PTPRG: variants seen among roughly 807,000 people sequenced by gnomAD.
PTPRG encodes protein tyrosine phosphatase receptor type G.
A neutral mutation model predicts 165.3 loss-of-function variants in PTPRG; 102 were observed. The ratio of observed to expected loss-of-function variants is 0.62; its 90% CI spans 0.53 to 0.73. The LOEUF (loss-of-function observed/expected upper bound fraction) is 0.73. Among genes scored for constraint, PTPRG ranks in the 30% least tolerant of loss-of-function variants. The pLI is 0.00. For synonymous variants in PTPRG, 675 were observed against 669.5 expected, an observed-to-expected ratio of 1.01 and a Z score of -0.13; for missense variants, 1,866 against 1,861.4, an observed-to-expected ratio of 1.00 and a Z score of -0.05.
intron 8 of PTPRG, among the ~76,000 whole-genome samples, chr3:62,188,209 A>C (rs1045225014): frequency 1.3e-5 from 2 of 151,614 alleles, no homozygotes; most frequent in East Asian, 3.9e-4. Context: ...CCCCGTCTCT[A>C]TTTTAAAAAT....
intron 1 of PTPRG, among the ~76,000 whole-genome samples, chr3:61,672,656 C>T (rs934349891): frequency 3.3e-5 from 5 of 149,792 alleles, no homozygotes; most frequent in Middle Eastern, 3.5e-3. Flanking sequence ...TGCAGTGAGC[C>T]GAGATGGCAG....
chr3:62,204,054 A>G, intron 12 of PTPRG, 104 bp downstream of exon 12: 1 of 1,450,934 alleles, frequency 6.9e-7, no homozygotes, highest in Admixed American at 2.7e-5. Flanking sequence ...GGTACTTAAT[A>G]TTCTTAGAAT....
At chr3:62,256,717 A>T (rs990469882) in intron 16 of PTPRG, among the ~76,000 whole-genome samples, 3 of 152,200 alleles carry the variant, frequency 2.0e-5, no homozygotes, top group Non-Finnish European at 4.4e-5. Context: ...GCCGAATTTG[A>T]TCAGGATGAT....
At chr3:61,832,027 G>T (rs1461041889) in intron 2 of PTPRG, among the ~76,000 whole-genome samples, 2 of 151,914 alleles carry the variant, frequency 1.3e-5, no homozygotes, top group African/African-American at 4.8e-5. Context: ...ATTTATACAT[G>T]GATTTATACA....
chr3:61,676,253 C>T (rs999206765), intron 1 of PTPRG, among the ~76,000 whole-genome samples: 3 of 151,180 alleles, frequency 2.0e-5, no homozygotes, highest in South Asian at 4.2e-4. Context: ...GTCAGGAGAT[C>T]GAGACCATCC....
chr3:61,834,872 G>C (rs2036414896), intron 2 of PTPRG, among the ~76,000 whole-genome samples: 1 of 152,028 alleles, frequency 6.6e-6, no homozygotes, highest in Non-Finnish European at 1.5e-5. Flanking sequence ...TCTCATCCTG[G>C]AAGTTTCCTA....
chr3:61,711,240 A>G (rs1056103762), intron 1 of PTPRG, among the ~76,000 whole-genome samples: 6 of 152,166 alleles, frequency 3.9e-5, no homozygotes, highest in African/African-American at 9.7e-5. Context: ...ATATGTGTGC[A>G]TGTGTCTTTA....
intron 4 of PTPRG, among the ~76,000 whole-genome samples, chr3:62,065,097 T>G (rs1348060425): frequency 6.6e-6 from 1 of 152,090 alleles, no homozygotes; most frequent in African/African-American, 2.4e-5. Context: ...GAAGGATCCA[T>G]AAATCCAGTG....
intron 1 of PTPRG, among the ~76,000 whole-genome samples, chr3:61,642,853 C>T (rs1194189156): frequency 1.3e-5 from 2 of 152,132 alleles, no homozygotes; most frequent in African/African-American, 4.8e-5. Flanking sequence ...ATTGATGGAT[C>T]TGGGCATGAG....
At chr3:62,170,302 T>A (rs943278150) in intron 8 of PTPRG, among the ~76,000 whole-genome samples, 1 of 152,144 alleles carries the variant, frequency 6.6e-6, no homozygotes, top group African/African-American at 2.4e-5. Flanking sequence ...CCAAGAGAAG[T>A]TGACTGAGAA....
intron 2 of PTPRG, among the ~76,000 whole-genome samples, chr3:61,952,599 C>T (rs1188405742): frequency 1.3e-5 from 2 of 152,160 alleles, no homozygotes; most frequent in South Asian, 4.1e-4. Flanking sequence ...CTACTTCCTC[C>T]TTGACGCCGG....
chr3:61,880,687 A>C (rs1310586844), intron 2 of PTPRG, among the ~76,000 whole-genome samples: 1 of 151,800 alleles, frequency 6.6e-6, no homozygotes. Flanking sequence ...AAGCCATTTA[A>C]TGCGAAGAAG....
rs553526078 is a variant in PTPRG, at chr3:62,276,191, A to G, written c.3559+225A>G. Among the ~76,000 whole-genome samples, 14 of 152,290 alleles carry G rather than the reference A, an allele frequency of 9.2e-5. No individual in the cohort carries two copies. The East Asian group carries it at 2.1e-3, about 23-fold the overall frequency. On this transcript the variant is annotated intron_variant, in intron 24 of 29. Coordinates refer to ENST00000474889, the MANE Select transcript of PTPRG (RefSeq NM_002841.4). ...AAAGGGAAAATGTTATGCTTATTCA[A>G]CTAAGGTAGTTTAATGAAACTGGGA...
intron 4 of PTPRG, among the ~76,000 whole-genome samples, chr3:62,037,632 A>G (rs913954062): frequency 6.6e-6 from 1 of 152,192 alleles, no homozygotes; most frequent in South Asian, 2.1e-4. Flanking sequence ...AAATCCATCT[A>G]GGAACTGTTT....
At chr3:62,155,992 G>A (rs1009179912) in intron 6 of PTPRG, among the ~76,000 whole-genome samples, 1 of 152,180 alleles carries the variant, frequency 6.6e-6, no homozygotes, top group Admixed American at 6.5e-5. Flanking sequence ...AATCCCAGAT[G>A]TAAATTCAAG....
intron 10 of PTPRG, among the ~76,000 whole-genome samples, chr3:62,198,139 C>T (rs1247666299): frequency 6.6e-6 from 1 of 152,064 alleles, no homozygotes; most frequent in Non-Finnish European, 1.5e-5. Flanking sequence ...ATATGTTTAC[C>T]TTACTGTGGA....
intron 1 of PTPRG, among the ~76,000 whole-genome samples, chr3:61,568,081 A>G (rs1220623390): frequency 2.0e-5 from 3 of 152,220 alleles, no homozygotes; most frequent in African/African-American, 7.2e-5. Flanking sequence ...TAAAAAATCA[A>G]CTATACTTGT....
intron 7 of PTPRG, among the ~76,000 whole-genome samples, chr3:62,157,856 A>G (rs892110175): frequency 1.3e-5 from 2 of 152,218 alleles, no homozygotes; most frequent in Non-Finnish European, 2.9e-5. Flanking sequence ...TGTGCTATGT[A>G]CTTTACTCAG....
chr3:61,889,309 G>C (rs2038139867), intron 2 of PTPRG, among the ~76,000 whole-genome samples: 1 of 151,930 alleles, frequency 6.6e-6, no homozygotes, highest in Admixed American at 6.6e-5. Flanking sequence ...TTTATCATTG[G>C]GGCTCATGTA....
Sources: allele counts gnomAD v4.1 joint callset (sites outside exome capture counted in the v4.1 genomes callset), GRCh38; gene constraint gnomAD v4.1.1; transcripts MANE v1.5; gene names NCBI Gene and HGNC (gene_info 2026-07-23, HGNC 2026-07-21).